Variants in CDH13 observed in about 807,000 individuals in gnomAD.
CDH13 encodes the protein cadherin 13, also known as cadherin-13.
Under a neutral mutation model 63.8 loss-of-function variants are expected in CDH13, and 24 were observed. The observed-to-expected ratio is 0.38, with a 90% confidence interval of 0.27 to 0.53. The LOEUF is 0.53. CDH13 is among the 20% of genes least tolerant of loss of function. The pLI is 0.85. For missense variants in CDH13, 1,049 were observed against 903.1 expected (o/e 1.16, Z -2.07); for synonymous variants, 503 against 355.3 (o/e 1.42, Z -4.67).
intron 2 of CDH13, among the ~76,000 whole-genome samples, chr16:82,978,727 G>A (rs1223566491): frequency 6.6e-6 from 1 of 152,246 alleles, no homozygotes; most frequent in Non-Finnish European, 1.5e-5. Context: ...TTTGCTGCAG[G>A]GACAGAACAC....
chr16:83,604,703 C>T (rs765876900), intron 8 of CDH13, among the ~76,000 whole-genome samples: 9 of 152,042 alleles, frequency 5.9e-5, no homozygotes, highest in Admixed American at 3.3e-4. Flanking sequence ...TCTTTTCAAC[C>T]TATTTCAAAA....
intron 3 of CDH13, among the ~76,000 whole-genome samples, chr16:83,034,030 A>C (rs1916622615): frequency 6.6e-6 from 1 of 151,976 alleles, no homozygotes; most frequent in Admixed American, 6.6e-5. Flanking sequence ...AGACAGTACA[A>C]CTGGCAATGT....
chr16:82,731,873 C>G (rs2033420926), intron 1 of CDH13, among the ~76,000 whole-genome samples: 1 of 151,946 alleles, frequency 6.6e-6, no homozygotes, highest in South Asian at 2.1e-4. Context: ...TGTGTAGAGC[C>G]AATTATTAAC....
At chr16:82,635,971 T>C (rs896811976) in intron 1 of CDH13, among the ~76,000 whole-genome samples, 3 of 152,078 alleles carry the variant, frequency 2.0e-5, no homozygotes, top group African/African-American at 7.2e-5. Flanking sequence ...ATTGTAAGTT[T>C]CCTGAGGCCT....
chr16:82,728,270 A>T (rs2033207878), intron 1 of CDH13, among the ~76,000 whole-genome samples: 1 of 152,152 alleles, frequency 6.6e-6, no homozygotes. Context: ...GTAAAAATAA[A>T]TACTAATCTC....
chr16:83,526,468 C>T (rs926161293), intron 7 of CDH13, among the ~76,000 whole-genome samples: 1 of 152,172 alleles, frequency 6.6e-6, no homozygotes, highest in Non-Finnish European at 1.5e-5. Flanking sequence ...AGCATGCAAG[C>T]TAGATCCCTT....
At chr16:83,756,202 A>G (rs954663342) in intron 11 of CDH13, among the ~76,000 whole-genome samples, 25 of 152,224 alleles carry the variant, frequency 1.6e-4, no homozygotes, top group African/African-American at 5.8e-4. Flanking sequence ...CATTAAAAAG[A>G]TGGCCAAATA....
rs191735967 is a variant in CDH13, at chr16:82,994,695, A to G, written c.158-37315A>G. 1.5e-3 allele frequency among the ~76,000 whole-genome samples: 233 copies of G among 152,274 alleles called. 2 individuals are homozygous for G. The highest frequency in any genetic ancestry group is 5.4e-3 in the African/African-American group (223 of 41,556). On this transcript the variant is annotated intron_variant, in intron 2 of 13. Coordinates refer to ENST00000567109, the MANE Select transcript of CDH13 (RefSeq NM_001257.5). Reference sequence around the variant, plus strand: ...TAGTCTTTGACAAATGAAACTACCAATCTCCATTGATACCTACGTTGATAG... The same window carrying G: ...TAGTCTTTGACAAATGAAACTACCAGTCTCCATTGATACCTACGTTGATAG...
At chr16:82,641,198 C>G (rs558092265) in intron 1 of CDH13, among the ~76,000 whole-genome samples, 1 of 152,306 alleles carries the variant, frequency 6.6e-6, no homozygotes, top group African/African-American at 2.4e-5. Flanking sequence ...TTCACTCGCC[C>G]TTATCTTCTG....
chr16:83,247,037 G>A (rs1462733131), intron 5 of CDH13, among the ~76,000 whole-genome samples: 4 of 152,202 alleles, frequency 2.6e-5, no homozygotes, highest in Admixed American at 6.5e-5. Flanking sequence ...TAGATCTGTA[G>A]GTGATGGTGA....
intron 1 of CDH13, among the ~76,000 whole-genome samples, chr16:82,785,080 C>G (rs2035941438): frequency 6.6e-6 from 1 of 152,154 alleles, no homozygotes; most frequent in African/African-American, 2.4e-5. Context: ...CAAAAATCTG[C>G]TCTGCCTGAT....
chr16:83,358,053 A>T (rs1170497288), intron 6 of CDH13, among the ~76,000 whole-genome samples: 1 of 152,192 alleles, frequency 6.6e-6, no homozygotes, highest in Non-Finnish European at 1.5e-5. Flanking sequence ...GCTAGAAAAC[A>T]AACTGTCCAG....
At chr16:83,427,177 G>A (rs1490846540) in intron 6 of CDH13, among the ~76,000 whole-genome samples, 1 of 151,950 alleles carries the variant, frequency 6.6e-6, no homozygotes, top group Non-Finnish European at 1.5e-5. Flanking sequence ...GCCTCCCAAA[G>A]TGCTGGGATT....
intron 4 of CDH13, among the ~76,000 whole-genome samples, chr16:83,206,822 A>G (rs1429328957): frequency 1.3e-5 from 2 of 152,332 alleles, no homozygotes; most frequent in East Asian, 3.9e-4. Context: ...GACCAAGGAC[A>G]CTGACCAGAG....
intron 5 of CDH13, among the ~76,000 whole-genome samples, chr16:83,302,485 G>T (rs376269840): frequency 1.3e-5 from 2 of 152,180 alleles, no homozygotes; most frequent in South Asian, 2.1e-4. Context: ...CACAAATGGG[G>T]CTCCTTATAT....
At chr16:83,235,051 A>G (rs1181325671) in intron 5 of CDH13, among the ~76,000 whole-genome samples, 2 of 152,160 alleles carry the variant, frequency 1.3e-5, no homozygotes, top group African/African-American at 4.8e-5. Flanking sequence ...AAATAGATAA[A>G]TAAATTAGCA....
At chr16:83,570,968 TATAA>T (rs1487745792) in intron 7 of CDH13, among the ~76,000 whole-genome samples, 18 of 123,738 alleles carry the variant, frequency 1.5e-4, no homozygotes, top group East Asian at 4.6e-4. Flanking sequence ...TATATATATA[TATAA>T]AAACCTTCTG....
At chr16:83,357,085 C>G (rs1173022758) in intron 6 of CDH13, among the ~76,000 whole-genome samples, 1 of 152,054 alleles carries the variant, frequency 6.6e-6, no homozygotes, top group Non-Finnish European at 1.5e-5. Flanking sequence ...GTTCGTGTTT[C>G]TATAGTCAAG....
At chr16:83,382,901 G>A (rs945364767) in intron 6 of CDH13, 1 of 152,158 alleles carries the variant, frequency 6.6e-6, no homozygotes, top group African/African-American at 2.4e-5. Context: ...GTGGGAATTG[G>A]TATTGACATC....
Sources: gnomAD v4.1 joint callset for allele counts (sites outside exome capture counted in the v4.1 genomes callset) on GRCh38, gnomAD v4.1.1 for gene constraint, MANE v1.5 for transcripts, NCBI Gene and HGNC (gene_info 2026-07-23, HGNC 2026-07-21) for gene names.